The following NIM1K variants were observed in gnomAD, a reference collection of about 807,000 sequenced individuals.
NIM1K encodes the protein NIM1 serine/threonine protein kinase.
In NIM1K, 35 loss-of-function variants were observed where a neutral mutation model predicts 37.1. That is an observed-to-expected ratio of 0.94 (90% CI 0.72 to 1.25). The LOEUF (loss-of-function observed/expected upper bound fraction) is 1.25, where lower values mean the gene tolerates loss of function less well. NIM1K is among the 50% of genes most tolerant of loss of function. The pLI is 0.00. For synonymous variants in NIM1K, 234 were observed against 206.6 expected (o/e 1.13, Z -1.14); for missense variants, 564 against 548.0 (o/e 1.03, Z -0.29).
At chr5:43,277,982 T>G (rs1232305041) in intron 3 of NIM1K, among the ~76,000 whole-genome samples, 1 of 151,628 alleles carries the variant, frequency 6.6e-6, no homozygotes, top group African/African-American at 2.4e-5. Flanking sequence ...CCTTCCACCC[T>G]TCCTTCCTTC....
At chr5:43,215,487 T>A (rs980247304) in intron 1 of NIM1K, among the ~76,000 whole-genome samples, 1 of 152,100 alleles carries the variant, frequency 6.6e-6, no homozygotes, top group East Asian at 1.9e-4. Context: ...CAGGCTGGAG[T>A]GTAGTGGCGC....
Position 43,280,110 on chromosome 5 carries a change from G to C in NIM1K, c.692G>C (p.Cys231Ser). Residue 231 changes from cysteine to serine, a missense_variant, in exon 4 of 4, where the codon TGT becomes TCT. Cys to Ser is a moderately radical substitution (Grantham distance 112). Coordinates refer to ENST00000326035, the MANE Select transcript of NIM1K (RefSeq NM_153361.4). ...AAAGGTGAAATGCTGAACACTTTCT[G>C]TGGGTCTCCTCCCTACGCTGCGCCT... The part of the protein sequence containing the change: ...SKKGEMLNTF[C>S]GSPPYAAPEL... 1 of 1,614,218 alleles carries C rather than the reference G, an allele frequency of 6.2e-7. No homozygotes were observed. Among genetic ancestry groups the C allele is most frequent in the Non-Finnish European group, 8.5e-7 (1 of 1,180,042 alleles).
chr5:43,246,019 A>G lies in NIM1K; in HGVS notation c.244A>G (p.Ser82Gly), dbSNP rs754888043. 1.9e-6 allele frequency: 3 copies of G among 1,613,942 alleles called. No homozygotes were observed. The East Asian group carries it at 6.7e-5, about 36-fold the overall frequency. The change falls in exon 2 of 4, where the codon AGT becomes GGT. Residue 82 changes from serine (S) to glycine (G), a missense_variant. Coordinates refer to ENST00000326035, the MANE Select transcript of NIM1K (RefSeq NM_153361.4). Reference sequence around the variant, plus strand: ...CTACCGAATTCGAGGGGAAATCGGAAGTGGAAACTTCTCCCAAGTGAAGCT... The same window carrying G: ...CTACCGAATTCGAGGGGAAATCGGAGGTGGAAACTTCTCCCAAGTGAAGCT... ...GFYRIRGEIG[S>G]GNFSQVKLGI...
chr5:43,196,013 A>G (rs1165443448), intron 1 of NIM1K, among the ~76,000 whole-genome samples: 3 of 152,158 alleles, frequency 2.0e-5, no homozygotes, highest in Admixed American at 6.5e-5. Context: ...TCAGTACCCT[A>G]TTTAGCAAAA....
At chr5:43,217,708 A>ATTTTTTTTTTTTTTTTTTTT (rs71608698) in intron 1 of NIM1K, among the ~76,000 whole-genome samples, 1 of 93,648 alleles carries the variant, frequency 1.1e-5, no homozygotes, top group Non-Finnish European at 2.0e-5. Flanking sequence ...TCCTCTGTCT[A>ATTTTTTTTTTTTTTTTTTTT]TTTTTTTTTT....
Position 43,206,599 on chromosome 5 carries a change from T to G in NIM1K, c.-695+14188T>G. The G allele has an allele frequency of 5.0e-6, 3 of 602,976 alleles. No individual in the cohort carries two copies. In the South Asian group the frequency reaches 5.5e-5, roughly 11 times the overall value. The allele number at this position is 602,976 out of a possible 1,614,324, so 37.4% of individuals were successfully genotyped here. A position where few individuals can be genotyped will look rare whatever the true frequency, so the allele number is the denominator to read the frequency against. On this transcript the variant is annotated intron_variant, in intron 1 of 3. Coordinates refer to ENST00000326035, the MANE Select transcript of NIM1K (RefSeq NM_153361.4). Reference sequence around the variant, plus strand: ...GAAGGCTGAATAAGAAACGAGCAAGTGCTAGTCCTGGCCTCCCTGGTGCAG... The same window carrying G: ...GAAGGCTGAATAAGAAACGAGCAAGGGCTAGTCCTGGCCTCCCTGGTGCAG...
intron 2 of NIM1K, among the ~76,000 whole-genome samples, chr5:43,251,068 A>G (rs911999551): frequency 2.6e-5 from 4 of 152,236 alleles, no homozygotes; most frequent in African/African-American, 9.6e-5. Flanking sequence ...AGTACATGAC[A>G]TATAGTAACC....
At chr5:43,221,601 C>G (rs1038212703) in intron 1 of NIM1K, among the ~76,000 whole-genome samples, 3 of 152,134 alleles carry the variant, frequency 2.0e-5, no homozygotes, top group African/African-American at 7.2e-5. Flanking sequence ...TCCAGGGCAG[C>G]TGTGTGATCA....
intron 1 of NIM1K, among the ~76,000 whole-genome samples, chr5:43,228,605 G>C (rs944933122): frequency 6.6e-6 from 1 of 151,268 alleles, no homozygotes; most frequent in Non-Finnish European, 1.5e-5. Flanking sequence ...CAGGCAGATC[G>C]CTTGAACCCA....
intron 1 of NIM1K, among the ~76,000 whole-genome samples, chr5:43,206,414 T>C (rs1453865880): frequency 2.7e-5 from 4 of 149,850 alleles, no homozygotes; most frequent in Non-Finnish European, 5.9e-5. Context: ...GGGAGAAGGA[T>C]TGCTTGAGCC....
chr5:43,250,090 G>T (rs1752846260), intron 2 of NIM1K, among the ~76,000 whole-genome samples: 1 of 151,828 alleles, frequency 6.6e-6, no homozygotes, highest in Non-Finnish European at 1.5e-5. Context: ...CTGACCTCGT[G>T]ATCTGCCCGC....
At chr5:43,256,768 A>C (rs1015031453) in intron 2 of NIM1K, among the ~76,000 whole-genome samples, 1 of 152,210 alleles carries the variant, frequency 6.6e-6, no homozygotes, top group African/African-American at 2.4e-5. Flanking sequence ...TAATGTATAA[A>C]TACTCCAGTT....
At chr5:43,261,069 A>T (rs1037754057) in intron 2 of NIM1K, among the ~76,000 whole-genome samples, 3 of 152,214 alleles carry the variant, frequency 2.0e-5, no homozygotes, top group Non-Finnish European at 2.9e-5. Flanking sequence ...CACAATAAAC[A>T]TACGTGTGCA....
intron 1 of NIM1K, among the ~76,000 whole-genome samples, chr5:43,236,214 C>T (rs972761146): frequency 2.6e-5 from 4 of 152,038 alleles, no homozygotes; most frequent in Non-Finnish European, 4.4e-5. Context: ...CTGCAGTGAG[C>T]TGTGATTGCA....
intron 1 of NIM1K, among the ~76,000 whole-genome samples, chr5:43,213,933 C>CTT (rs1336713523): frequency 6.2e-4 from 28 of 45,304 alleles, no homozygotes; most frequent in South Asian, 1.3e-3. Context: ...CTAGCTCTTT[C>CTT]TCTCTTTCTT....
intron 2 of NIM1K, among the ~76,000 whole-genome samples, chr5:43,256,849 A>C (rs1438322579): frequency 6.6e-6 from 1 of 152,204 alleles, no homozygotes; most frequent in Non-Finnish European, 1.5e-5. Flanking sequence ...GTTTAATAAC[A>C]CTGTCTATGG....
chr5:43,250,468 A>G (rs1037810888), intron 2 of NIM1K, among the ~76,000 whole-genome samples: 1 of 152,200 alleles, frequency 6.6e-6, no homozygotes, highest in South Asian at 2.1e-4. Flanking sequence ...CTCAGCATAC[A>G]TTCCTAGAAG....
At chr5:43,255,580 T>C (rs1365086554) in intron 2 of NIM1K, among the ~76,000 whole-genome samples, 1 of 151,730 alleles carries the variant, frequency 6.6e-6, no homozygotes, top group African/African-American at 2.4e-5. Context: ...GAAACCACAA[T>C]TCTACTAAAA....
intron 2 of NIM1K, among the ~76,000 whole-genome samples, chr5:43,264,768 C>T (rs899966103): frequency 6.6e-6 from 1 of 152,146 alleles, no homozygotes; most frequent in Non-Finnish European, 1.5e-5. Flanking sequence ...CTGGTTGTTC[C>T]TTTCCATGTT....
Sources: allele counts gnomAD v4.1 joint callset (sites outside exome capture counted in the v4.1 genomes callset), GRCh38; gene constraint gnomAD v4.1.1; transcripts MANE v1.5; gene names NCBI Gene and HGNC (gene_info 2026-07-23, HGNC 2026-07-21).